DDX60: variants seen among roughly 807,000 people sequenced by gnomAD.
DDX60 encodes the protein probable ATP-dependent RNA helicase DDX60.
Under a neutral mutation model 212.8 loss-of-function variants are expected in DDX60, and 165 were observed. The ratio of observed to expected loss-of-function variants is 0.78; its 90% CI spans 0.68 to 0.88. The LOEUF is 0.88. DDX60 is among the 40% of genes least tolerant of loss of function. The probability of loss-of-function intolerance (pLI) is 0.00; values close to 1 mark genes in which losing one functional copy is unlikely to be tolerated. For missense variants in DDX60, 1,905 were observed against 2,003.9 expected, an observed-to-expected ratio of 0.95 and a Z score of 0.94; for synonymous variants, 703 against 685.3, an observed-to-expected ratio of 1.03 and a Z score of -0.40.
chr4:168,240,612 A>T (rs751849404), intron 30 of DDX60, among the ~76,000 whole-genome samples: 4 of 152,080 alleles, frequency 2.6e-5, no homozygotes, highest in African/African-American at 9.7e-5. Flanking sequence ...CACACAGACC[A>T]TTGGAACAGA....
At chr4:168,285,346 T>C in intron 11 of DDX60, 47 bp downstream of exon 11, 1 of 1,057,534 alleles carries the variant, frequency 9.5e-7, no homozygotes. Context: ...GAGTAACTCA[T>C]GTATTCCACA....
At chr4:168,292,926 A>G (rs144196274) in intron 7 of DDX60, among the ~76,000 whole-genome samples, 1 of 152,236 alleles carries the variant, frequency 6.6e-6, no homozygotes, top group Non-Finnish European at 1.5e-5. Flanking sequence ...AATATATTCA[A>G]TCTGATAATT....
rs570393392 is a variant in DDX60 at position 168,288,294 on chromosome 4, T to C, written c.1063A>G (p.Ile355Val). The C allele has an allele frequency of 1.2e-4, 181 of 1,480,828 alleles. No individual in the cohort carries two copies. The highest frequency in any genetic ancestry group is 7.0e-4 in the Middle Eastern group (4 of 5,734). The allele number at this position is 1,480,828 out of a possible 1,614,324, so 91.7% of individuals were successfully genotyped here. ...LQMKKWCEYF[I>V]LRNIHTFEFW... Reference sequence around the variant, plus strand: ...TCAAAAGTATGTATATTTCTTAAGATGAAATATTCACACCACTTTTTCTGA... The same window carrying C: ...TCAAAAGTATGTATATTTCTTAAGACGAAATATTCACACCACTTTTTCTGA... Residue 355 changes from isoleucine (I) to valine (V), a missense_variant, in exon 9 of 38, where the codon ATC becomes GTC. Coordinates refer to ENST00000393743, the MANE Select transcript of DDX60 (RefSeq NM_017631.6).
Position 168,293,965 on chromosome 4 carries a change from T to A in DDX60, c.724-20A>T. ...GTGTGCCTGTCAAAGAAAAAAATTG[T>A]AATGTGTCATGCTATTTAGAAAAAT... On this transcript the variant is annotated intron_variant, in intron 6 of 37. Transcript: ENST00000393743. 1 of 1,601,554 alleles carries A rather than the reference T, an allele frequency of 6.2e-7. No individual in the cohort carries two copies. The highest frequency in any genetic ancestry group is 8.5e-7 in the Non-Finnish European group (1 of 1,175,936).
At position 168,223,933 on chromosome 4, in the gene DDX60, G is replaced by C. The variant is rs141778346; in HGVS notation, c.4824+310C>G. On this transcript the variant is annotated intron_variant, in intron 35 of 37. Coordinates refer to ENST00000393743, the MANE Select transcript of DDX60 (RefSeq NM_017631.6). ...TATTTACAGCATTTATAGCAGTACT[G>C]AGAAAGTCTGAAGACAGTTTTATGT... Among the ~76,000 whole-genome samples, 342 of 152,080 alleles carry C rather than the reference G, an allele frequency of 2.2e-3. 1 individual carries two copies. The highest frequency in any genetic ancestry group is 7.4e-3 in the African/African-American group (306 of 41,526).
chr4:168,293,989 ATATTTT>A, intron 6 of DDX60, 44 bp from the exon 7 acceptor site: 1 of 1,562,800 alleles, frequency 6.4e-7, no homozygotes, highest in South Asian at 1.2e-5. Context: ...ATTTAGAAAA[ATATTTT>A]TATTTGTAAG....
chr4:168,311,063 T>G lies in DDX60; in HGVS notation c.9A>C (p.Arg3Ser). 6.4e-7 allele frequency: 1 copy of G among 1,563,122 alleles called. No individual in the cohort carries two copies. Among genetic ancestry groups the G allele is most frequent in the Non-Finnish European group, 8.8e-7 (1 of 1,140,422 alleles). The change falls in exon 3 of 38, where the codon AGA becomes AGC. Residue 3 changes from arginine to serine, a missense_variant. By Grantham distance (110) the Arg-to-Ser change is moderately radical. Coordinates refer to ENST00000393743, the MANE Select transcript of DDX60 (RefSeq NM_017631.6). ME[R>S]NVLTTFSQEM... ...CCTGTGAAAATGTTGTAAGAACATT[T>G]CTTTCTAAATTTAAAAAAAAAGAGA...
At chr4:168,271,080 G>A (rs990798146) in intron 19 of DDX60, among the ~76,000 whole-genome samples, 22 of 151,922 alleles carry the variant, frequency 1.4e-4, no homozygotes, top group Non-Finnish European at 8.8e-5. Flanking sequence ...GTTTCACCAC[G>A]TTGGCCAGGC....
chr4:168,234,026 C>T (rs1173951802), intron 33 of DDX60, among the ~76,000 whole-genome samples: 2 of 152,104 alleles, frequency 1.3e-5, no homozygotes, highest in Middle Eastern at 3.4e-3. Context: ...ATATCTGAAT[C>T]AACAACAAAA....
chr4:168,275,835 G>C (rs956444251), intron 15 of DDX60, among the ~76,000 whole-genome samples, 180 bp downstream of exon 15: 5 of 151,648 alleles, frequency 3.3e-5, no homozygotes, highest in African/African-American at 1.2e-4. Flanking sequence ...GTCCAGGTAA[G>C]CATTTGTACA....
Position 168,280,404 on chromosome 4 carries a change from G to A in DDX60, c.1909C>T (p.Leu637Phe), listed in dbSNP as rs377718297. ...LKSCKSSCVK[L>F]QVEMVGLTAC... ...GTTAACCCCACCATTTCAACCTGAA[G>A]TTTCACACAGCTACTTTTACAGGAT... is the stretch of plus-strand genomic sequence containing the variant. Residue 637 changes from leucine to phenylalanine, a missense_variant, in exon 14 of 38, where the codon CTT becomes TTT. Coordinates refer to ENST00000393743, the MANE Select transcript of DDX60 (RefSeq NM_017631.6). The A allele has an allele frequency of 6.2e-7, 1 of 1,614,152 alleles. No homozygotes were observed. The highest frequency in any genetic ancestry group is 8.5e-7 in the Non-Finnish European group (1 of 1,180,008).
intron 33 of DDX60, among the ~76,000 whole-genome samples, chr4:168,226,577 GA>G (rs1733263365): frequency 6.6e-6 from 1 of 151,996 alleles, no homozygotes; most frequent in Non-Finnish European, 1.5e-5. Flanking sequence ...GATTATATGA[GA>G]TATTTCGATG....
At chr4:168,250,758 T>C (rs929137231) in intron 28 of DDX60, among the ~76,000 whole-genome samples, 196 bp downstream of exon 28, 2 of 152,002 alleles carry the variant, frequency 1.3e-5, no homozygotes, top group East Asian at 3.9e-4. Flanking sequence ...ACTTCTGACC[T>C]AGGTGATCCG....
intron 6 of DDX60, among the ~76,000 whole-genome samples, chr4:168,301,150 G>A (rs139661172): frequency 3.5e-3 from 528 of 152,168 alleles, no homozygotes; most frequent in African/African-American, 0.012. Context: ...ACAAAAAAGT[G>A]AATATATTGT....
chr4:168,228,856 A>G (rs1031261348), intron 33 of DDX60, among the ~76,000 whole-genome samples: 12 of 152,110 alleles, frequency 7.9e-5, no homozygotes, highest in African/African-American at 2.7e-4. Flanking sequence ...ATAACCTCAG[A>G]TTTCACATCT....
chr4:168,227,957 G>A (rs1733317086), intron 33 of DDX60, among the ~76,000 whole-genome samples: 1 of 152,038 alleles, frequency 6.6e-6, no homozygotes, highest in Non-Finnish European at 1.5e-5. Context: ...AGTGTGACTT[G>A]TATAAATAGC....
chr4:168,243,941 C>A (rs926372304), intron 30 of DDX60, among the ~76,000 whole-genome samples: 12 of 152,138 alleles, frequency 7.9e-5, no homozygotes, highest in African/African-American at 2.9e-4. Context: ...GGAATGAGAT[C>A]ATGTGCTTTG....
chr4:168,242,176 G>A (rs1733863939), intron 30 of DDX60, among the ~76,000 whole-genome samples: 1 of 152,204 alleles, frequency 6.6e-6, no homozygotes. Context: ...GGATGTCCAG[G>A]CAGAAGTTTG....
chr4:168,244,462 C>G (rs1733955197), intron 30 of DDX60, among the ~76,000 whole-genome samples: 1 of 152,146 alleles, frequency 6.6e-6, no homozygotes, highest in South Asian at 2.1e-4. Flanking sequence ...TGCAGTGGCT[C>G]ACGCCTGTAA....
Sources: allele counts gnomAD v4.1 joint callset (sites outside exome capture counted in the v4.1 genomes callset), GRCh38; gene constraint gnomAD v4.1.1; transcripts MANE v1.5; gene names NCBI Gene and HGNC (gene_info 2026-07-23, HGNC 2026-07-21).